The following WDPCP variants were observed in gnomAD, a reference collection of about 807,000 sequenced individuals.
WDPCP encodes WD repeat-containing and planar cell polarity effector protein fritz homolog.
WDPCP carries 71 observed loss-of-function variants against 93.1 expected under a neutral mutation model. That is an observed-to-expected ratio of 0.76 (90% CI 0.63 to 0.93). The LOEUF (loss-of-function observed/expected upper bound fraction) is 0.93, where lower values mean the gene tolerates loss of function less well. Ranked by LOEUF, WDPCP falls within the 40% of genes least tolerant of loss-of-function variation. WDPCP has a pLI of 0.00. For missense variants in WDPCP, 844 were observed against 887.4 expected (o/e 0.95, Z 0.62); for synonymous variants, 315 against 315.0 (o/e 1.00, Z 0.00).
At chr2:63,345,423 CAGAT>C (rs1213812556) in intron 12 of WDPCP, among the ~76,000 whole-genome samples, 1 of 152,154 alleles carries the variant, frequency 6.6e-6, no homozygotes, top group African/African-American at 2.4e-5. Context: ...TGGCAGGACA[CAGAT>C]AGGCAAGTCT....
At chr2:63,832,018 A>G (rs762192339), upstream of WDPCP, among the ~76,000 whole-genome samples, 4 of 152,226 alleles carry the variant, frequency 2.6e-5, no homozygotes, top group Non-Finnish European at 4.4e-5. Context: ...TTGAGACTAC[A>G]ATTATGGTAT....
intron 1 of WDPCP, among the ~76,000 whole-genome samples, chr2:63,575,950 T>G (rs1708082971): frequency 6.6e-6 from 1 of 152,142 alleles, no homozygotes; most frequent in South Asian, 2.1e-4. Flanking sequence ...AATTCATAAT[T>G]TGGCATTAAG....
At chr2:63,125,479 G>C (rs961092381) in intron 17 of WDPCP, among the ~76,000 whole-genome samples, 1 of 152,188 alleles carries the variant, frequency 6.6e-6, no homozygotes, top group East Asian at 1.9e-4. Context: ...AAAATTTAGA[G>C]ATTGGGTCTT....
At position 63,535,176 on chromosome 2, in the gene WDPCP, G is replaced by A. The variant is rs569160305; in HGVS notation, c.76-42236C>T. Reference sequence around the variant, plus strand: ...CAAGGGATGTGAAGGACCTCTTCAAGGAGAACTACAAACCACTGCTCAATG... The same window carrying A: ...CAAGGGATGTGAAGGACCTCTTCAAAGAGAACTACAAACCACTGCTCAATG... On this transcript the variant is annotated intron_variant, in intron 1 of 17. Transcript: ENST00000272321. Among the ~76,000 whole-genome samples the A allele has an allele frequency of 7.0e-3, 1,059 of 152,202 alleles. 9 individuals are homozygous for A. The highest frequency in any genetic ancestry group is 8.8e-3 in the Non-Finnish European group (597 of 67,996).
chr2:63,659,471 A>G (rs774689886), intron 2 of WDPCP, among the ~76,000 whole-genome samples: 1 of 152,288 alleles, frequency 6.6e-6, no homozygotes, highest in Non-Finnish European at 1.5e-5. Context: ...GAGGGATATT[A>G]TATCAAAAAA....
At chr2:63,634,107 G>C (rs1167614794) in intron 3 of WDPCP, among the ~76,000 whole-genome samples, 1 of 152,060 alleles carries the variant, frequency 6.6e-6, no homozygotes, top group Admixed American at 6.6e-5. Flanking sequence ...TAGACTGCCT[G>C]AGTAGACAAA....
chr2:63,537,238 T>C (rs1179246840), intron 1 of WDPCP, among the ~76,000 whole-genome samples: 1 of 152,216 alleles, frequency 6.6e-6, no homozygotes, highest in South Asian at 2.1e-4. Flanking sequence ...TCTCTTGCTG[T>C]TACTAGTTAA....
At chr2:63,453,400 C>T (rs997916050) in intron 6 of WDPCP, among the ~76,000 whole-genome samples, 1 of 152,072 alleles carries the variant, frequency 6.6e-6, no homozygotes, top group Non-Finnish European at 1.5e-5. Context: ...TGAGATATGA[C>T]CTCACACCAG....
At chr2:63,402,076 T>C (rs529617234) in intron 10 of WDPCP, among the ~76,000 whole-genome samples, 1 of 152,008 alleles carries the variant, frequency 6.6e-6, no homozygotes, top group South Asian at 2.1e-4. Flanking sequence ...CAAATGCCCA[T>C]CAATAATAGA....
chr2:63,700,302 A>AAAAAAAAAG (rs1669028207), intron 2 of WDPCP, among the ~76,000 whole-genome samples: 2 of 101,108 alleles, frequency 2.0e-5, no homozygotes, highest in African/African-American at 3.3e-5. Flanking sequence ...AAAAAAAAAA[A>AAAAAAAAAG]ACAAAAAGAA....
At chr2:63,322,407 C>A (rs190081744) in intron 12 of WDPCP, among the ~76,000 whole-genome samples, 13 of 152,322 alleles carry the variant, frequency 8.5e-5, no homozygotes, top group Non-Finnish European at 1.3e-4. Flanking sequence ...CACAATAAAT[C>A]TTGCTGCTGC....
chr2:63,391,567 G>C (rs913739767), intron 10 of WDPCP, among the ~76,000 whole-genome samples: 2 of 152,086 alleles, frequency 1.3e-5, no homozygotes, highest in African/African-American at 4.8e-5. Context: ...AGAAATAAAG[G>C]GTATTCCATT....
At chr2:63,463,557 A>G (rs1203351244) in intron 6 of WDPCP, among the ~76,000 whole-genome samples, 1 of 152,192 alleles carries the variant, frequency 6.6e-6, no homozygotes, top group Non-Finnish European at 1.5e-5. Context: ...AAAGAAGAAC[A>G]AAGTTGGAGG....
At chr2:63,283,429 A>G (rs1458726759) in intron 13 of WDPCP, among the ~76,000 whole-genome samples, 1 of 152,222 alleles carries the variant, frequency 6.6e-6, no homozygotes, top group Non-Finnish European at 1.5e-5. Context: ...ATATGTTGAT[A>G]AAGCGCAGCC....
intron 1 of WDPCP, among the ~76,000 whole-genome samples, chr2:63,515,530 A>C (rs1702495199): frequency 6.6e-6 from 1 of 152,212 alleles, no homozygotes; most frequent in African/African-American, 2.4e-5. Flanking sequence ...AATTTAAATA[A>C]CTGATTGTGC....
chr2:63,616,888 A>C (rs1709678710), intron 3 of WDPCP, among the ~76,000 whole-genome samples: 1 of 152,240 alleles, frequency 6.6e-6, no homozygotes, highest in Non-Finnish European at 1.5e-5. Context: ...AGTAATGACA[A>C]GGATATTTAC....
intron 13 of WDPCP, among the ~76,000 whole-genome samples, chr2:63,310,112 C>T (rs1430623604): frequency 6.6e-6 from 1 of 152,098 alleles, no homozygotes; most frequent in Non-Finnish European, 1.5e-5. Flanking sequence ...TATACTAGAA[C>T]TGTAGTTCTT....
intron 2 of WDPCP, among the ~76,000 whole-genome samples, chr2:63,769,162 T>C (rs998385076): frequency 2.6e-5 from 4 of 152,100 alleles, no homozygotes; most frequent in African/African-American, 4.8e-5. Flanking sequence ...TTTCTTATTA[T>C]TCATAGCTCA....
chr2:63,143,677 A>G (rs116488307), intron 17 of WDPCP, among the ~76,000 whole-genome samples: 3,034 of 152,264 alleles, frequency 0.02, 109 homozygotes, highest in African/African-American at 0.07. Context: ...GAAAACGACT[A>G]TATCTTTGCT....
Sources: gnomAD v4.1 joint callset for allele counts (sites outside exome capture counted in the v4.1 genomes callset) on GRCh38, gnomAD v4.1.1 for gene constraint, MANE v1.5 for transcripts, NCBI Gene and HGNC (gene_info 2026-07-23, HGNC 2026-07-21) for gene names.